Variants in STXBP5L observed in about 807,000 individuals in gnomAD.
STXBP5L encodes the protein syntaxin binding protein 5L, also known as syntaxin-binding protein 5-like.
STXBP5L carries 65 observed loss-of-function variants against 144.5 expected under a neutral mutation model. That is an observed-to-expected ratio of 0.45 (90% CI 0.37 to 0.55). The LOEUF (loss-of-function observed/expected upper bound fraction) is 0.55. Among genes scored for constraint, STXBP5L ranks in the 20% least tolerant of loss-of-function variants. The pLI, the probability that STXBP5L is intolerant of heterozygous loss-of-function variation, is 0.00. For synonymous variants in STXBP5L, 505 were observed against 469.6 expected, an observed-to-expected ratio of 1.08 and a Z score of -0.97; for missense variants, 1,298 against 1,405.5, an observed-to-expected ratio of 0.92 and a Z score of 1.22.
At chr3:121,068,940 CA>C (rs1366985099) in intron 5 of STXBP5L, among the ~76,000 whole-genome samples, 1 of 152,066 alleles carries the variant, frequency 6.6e-6, no homozygotes, top group Non-Finnish European at 1.5e-5. Flanking sequence ...TAGGAAGTTG[CA>C]AAACTAGTAC....
chr3:121,355,536 G>T (rs1252572413), intron 20 of STXBP5L, among the ~76,000 whole-genome samples: 1 of 152,092 alleles, frequency 6.6e-6, no homozygotes. Context: ...TCAGCTCCAT[G>T]AGGTCATTTA....
Position 121,407,355 on chromosome 3 carries a change from A to G in STXBP5L, c.2700A>G (p.Glu900=), listed in dbSNP as rs768709846. ...GGAGGGATCCAAACAACATAGATGA[A>G]AATGAAAAATCTTGGAGAAGGAAAG... ...EVWRDPNNID[E]NEKSWRRKVV... The change falls in exon 23 of 27, where the codon GAA becomes GAG. Residue 900 remains glutamate, a synonymous_variant. Coordinates refer to ENST00000471454, the MANE Select transcript of STXBP5L (RefSeq NM_001308330.2). 40 of 1,612,908 alleles carry G rather than the reference A, an allele frequency of 2.5e-5. No homozygotes were observed. The South Asian group carries it at 4.3e-4, about 17-fold the overall frequency.
intron 3 of STXBP5L, among the ~76,000 whole-genome samples, chr3:121,028,690 C>G (rs1228596570): frequency 6.6e-6 from 1 of 151,794 alleles, no homozygotes; most frequent in Non-Finnish European, 1.5e-5. Context: ...CTGGTAGTAG[C>G]AAAGAAAATA....
intron 9 of STXBP5L, among the ~76,000 whole-genome samples, chr3:121,173,975 G>T (rs2046834813): frequency 1.3e-5 from 2 of 152,014 alleles, no homozygotes; most frequent in East Asian, 1.9e-4. Flanking sequence ...GAACCGGAGG[G>T]ATCACCTTTT....
At chr3:121,159,380 C>G (rs2046233821) in intron 9 of STXBP5L, among the ~76,000 whole-genome samples, 1 of 151,944 alleles carries the variant, frequency 6.6e-6, no homozygotes, top group Admixed American at 6.6e-5. Flanking sequence ...GTTGCCCAGG[C>G]TGGTCCTAAG....
rs749337350 is a variant in STXBP5L at position 121,045,520 on chromosome 3, A to G, written c.455A>G (p.Lys152Arg). The G allele has an allele frequency of 5.0e-6, 8 of 1,611,898 alleles. No individual in the cohort carries two copies. The South Asian group carries it at 8.8e-5, about 18-fold the overall frequency. The change falls in exon 5 of 27, where the codon AAA becomes AGA. Residue 152 changes from lysine (K) to arginine (R), a missense_variant. Lys to Arg is a conservative substitution (Grantham distance 26). Coordinates refer to ENST00000471454, the MANE Select transcript of STXBP5L (RefSeq NM_001308330.2). ...QKRPAILHSL[K>R]FNRERITYCH... ...AGGCCAGCCATACTCCATTCTCTTA[A>G]ATTTAACCGGGAACGGTAAGAACCT...
In STXBP5L at chr3:121,260,340, A is replaced by T. The variant is rs182300521; in HGVS notation, c.1958+1172A>T. Among the ~76,000 whole-genome samples, 453 of 152,182 alleles carry T rather than the reference A, an allele frequency of 3.0e-3. 1 individual carries two copies. Among genetic ancestry groups the T allele is most frequent in the Middle Eastern group, 0.014 (4 of 294 alleles). On this transcript the variant is annotated intron_variant, in intron 18 of 26. Coordinates refer to ENST00000471454, the MANE Select transcript of STXBP5L (RefSeq NM_001308330.2). ...AGCTTTCTCTATAGTGTAATTTGCAATGATCTTCCCTGCTTTTGTTTGCTT... is the reference window on the plus strand; with the variant it reads ...AGCTTTCTCTATAGTGTAATTTGCATTGATCTTCCCTGCTTTTGTTTGCTT...
intron 3 of STXBP5L, among the ~76,000 whole-genome samples, chr3:121,008,802 A>G (rs1944547900): frequency 6.6e-6 from 1 of 152,028 alleles, no homozygotes; most frequent in Admixed American, 6.6e-5. Context: ...TTGAGGCTAA[A>G]TCACTTTATG....
At chr3:120,951,814 G>A (rs796777023) in intron 2 of STXBP5L, among the ~76,000 whole-genome samples, 9 of 151,988 alleles carry the variant, frequency 5.9e-5, no homozygotes, top group Non-Finnish European at 7.4e-5. Context: ...GGTATATACC[G>A]AAAGGAGTAT....
intron 5 of STXBP5L, among the ~76,000 whole-genome samples, chr3:121,074,010 A>G (rs1400611424): frequency 6.6e-6 from 1 of 151,822 alleles, no homozygotes; most frequent in Non-Finnish European, 1.5e-5. Flanking sequence ...CCTTGAAAGC[A>G]CTCTTCTTTT....
At chr3:121,213,458 G>T (rs1215900007) in intron 10 of STXBP5L, among the ~76,000 whole-genome samples, 1 of 152,158 alleles carries the variant, frequency 6.6e-6, no homozygotes, top group African/African-American at 2.4e-5. Flanking sequence ...TACATCTATT[G>T]AGATAATCAT....
intron 11 of STXBP5L, 26 bp from the exon 12 acceptor site, chr3:121,233,589 CT>C: frequency 6.3e-7 from 1 of 1,577,278 alleles, no homozygotes; most frequent in South Asian, 1.1e-5. Flanking sequence ...AATATGAAAA[CT>C]TTTCATTTTT....
intron 22 of STXBP5L, among the ~76,000 whole-genome samples, chr3:121,394,372 T>C (rs761176989): frequency 2.4e-4 from 35 of 148,576 alleles, no homozygotes; most frequent in Admixed American, 2.0e-3. Context: ...TGAACAGCAA[T>C]AATTTGACTT....
rs549821196 is a variant in STXBP5L at position 121,200,978 on chromosome 3, T to C, written c.878-4945T>C. On this transcript the variant is annotated intron_variant, in intron 9 of 26. Transcript: ENST00000471454. ...TATTCTGTTGATTTGTGGTGGAGAG[T>C]TCTGCAGATGTCTATTAGGTCTTCT... is the stretch of plus-strand genomic sequence containing the variant. Among the ~76,000 whole-genome samples the C allele has an allele frequency of 2.0e-5, 3 of 152,136 alleles. No individual in the cohort carries two copies. In the South Asian group the frequency reaches 6.2e-4, roughly 31 times the overall value.
intron 20 of STXBP5L, among the ~76,000 whole-genome samples, chr3:121,373,402 G>C (rs1426016073): frequency 6.6e-6 from 1 of 152,202 alleles, no homozygotes. Context: ...GTTTCAGGGA[G>C]GGAATTCGTG....
chr3:121,330,764 C>T (rs1295792563), intron 20 of STXBP5L, among the ~76,000 whole-genome samples: 1 of 152,208 alleles, frequency 6.6e-6, no homozygotes, highest in African/African-American at 2.4e-5. Context: ...ATGACCTCAG[C>T]TACCAACATT....
At chr3:121,043,990 G>A (rs1485899053) in intron 4 of STXBP5L, among the ~76,000 whole-genome samples, 2 of 151,970 alleles carry the variant, frequency 1.3e-5, no homozygotes, top group African/African-American at 4.8e-5. Context: ...ATGCTTCCAA[G>A]GAATCCTAAT....
rs1275448446 is a variant in STXBP5L, at chr3:121,413,377, AG to A, written c.3114+55del. 3 of 1,437,206 alleles carry A rather than the reference AG, an allele frequency of 2.1e-6. No individual in the cohort carries two copies. The African/African-American group carries it at 4.3e-5, about 21-fold the overall frequency. The allele number at this position is 1,437,206 out of a possible 1,614,324, so 89.0% of individuals were successfully genotyped here. On this transcript the variant is annotated intron_variant, in intron 24 of 26. Coordinates refer to ENST00000471454, the MANE Select transcript of STXBP5L (RefSeq NM_001308330.2). Reference sequence around the variant, plus strand: ...GACATTGGACATGGTTGAGAGAATGAGAAAGATGTCTAAAAACAAAAATATT... The same window carrying A: ...GACATTGGACATGGTTGAGAGAATGAAAAGATGTCTAAAAACAAAAATATT...
At chr3:121,047,533 C>T (rs1341771871) in intron 5 of STXBP5L, among the ~76,000 whole-genome samples, 2 of 152,162 alleles carry the variant, frequency 1.3e-5, no homozygotes, top group East Asian at 1.9e-4. Flanking sequence ...AATCCGGGTA[C>T]TCCTGTGTTG....
Sources: allele counts gnomAD v4.1 joint callset (sites outside exome capture counted in the v4.1 genomes callset), GRCh38; gene constraint gnomAD v4.1.1; transcripts MANE v1.5; gene names NCBI Gene and HGNC (gene_info 2026-07-23, HGNC 2026-07-21).